TBC1D8: variants seen among roughly 807,000 people sequenced by gnomAD.
The protein encoded by TBC1D8 is BUB2-like protein 1.
In TBC1D8, 65 loss-of-function variants were observed where a neutral mutation model predicts 118.8. That is an observed-to-expected ratio of 0.55 (90% CI 0.45 to 0.67). The LOEUF (loss-of-function observed/expected upper bound fraction) is 0.67. Ranked by LOEUF, TBC1D8 falls within the 30% of genes least tolerant of loss-of-function variation. The pLI, the probability that TBC1D8 is intolerant of heterozygous loss-of-function variation, is 0.00. For synonymous variants in TBC1D8, 566 were observed against 595.8 expected (o/e 0.95, Z 0.73); for missense variants, 1,376 against 1,471.2 (o/e 0.94, Z 1.06).
chr2:101,058,989 A>T (rs1682600441), intron 3 of TBC1D8, among the ~76,000 whole-genome samples: 1 of 151,508 alleles, frequency 6.6e-6, no homozygotes, highest in Non-Finnish European at 1.5e-5. Flanking sequence ...CACTGCAAGC[A>T]CCACCTCCCG....
At chr2:101,138,071 G>A (rs1210255300) in intron 1 of TBC1D8, among the ~76,000 whole-genome samples, 1 of 152,176 alleles carries the variant, frequency 6.6e-6, no homozygotes, top group African/African-American at 2.4e-5. Context: ...GACCGGAGCA[G>A]GAGGAAGAGG....
chr2:101,075,036 C>A (rs1674717713), intron 2 of TBC1D8, among the ~76,000 whole-genome samples: 1 of 152,140 alleles, frequency 6.6e-6, no homozygotes, highest in South Asian at 2.1e-4. Context: ...AGGAAAGGTA[C>A]AAGATGAGCA....
intron 5 of TBC1D8, among the ~76,000 whole-genome samples, chr2:101,047,100 C>G (rs1454568703): frequency 2.0e-5 from 3 of 152,212 alleles, no homozygotes; most frequent in Admixed American, 6.5e-5. Flanking sequence ...CTGTGGGCAG[C>G]TCCTCAGTCA....
At position 101,118,561 on chromosome 2, in the gene TBC1D8, G is replaced by C. The variant is rs531386797; in HGVS notation, c.128-28197C>G. On this transcript the variant is annotated intron_variant, in intron 1 of 19. Coordinates refer to ENST00000409318, the MANE Select transcript of TBC1D8 (RefSeq NM_001330348.2). ...AATACAAAAAAATTAGCCAGGCTTG[G>C]TGGCAGGCACCTGTAGTCCCAACTA... Among the ~76,000 whole-genome samples, 3 of 151,882 alleles carry C rather than the reference G, an allele frequency of 2.0e-5. No individual in the cohort carries two copies. The East Asian group carries it at 5.8e-4, about 29-fold the overall frequency.
At chr2:101,114,685 GTTTCTT>G (rs1677742844) in intron 1 of TBC1D8, among the ~76,000 whole-genome samples, 1 of 152,218 alleles carries the variant, frequency 6.6e-6, no homozygotes, top group Non-Finnish European at 1.5e-5. Context: ...ACTAAACAGA[GTTTCTT>G]TTTGTTTTTA....
chr2:101,025,261 T>G (rs1680273211), intron 15 of TBC1D8, among the ~76,000 whole-genome samples: 1 of 152,074 alleles, frequency 6.6e-6, no homozygotes. Context: ...AGTTTCACTG[T>G]GTTGCCAGGG....
chr2:101,096,599 A>T (rs1676462489), intron 1 of TBC1D8, among the ~76,000 whole-genome samples: 1 of 152,142 alleles, frequency 6.6e-6, no homozygotes, highest in Non-Finnish European at 1.5e-5. Flanking sequence ...GCAAGAACAG[A>T]TGGGTAAACA....
At chr2:101,073,290 TA>T (rs1246494509) in intron 2 of TBC1D8, among the ~76,000 whole-genome samples, 1 of 141,664 alleles carries the variant, frequency 7.1e-6, no homozygotes, top group Non-Finnish European at 1.5e-5. Context: ...TATTTTATTT[TA>T]TTTTATTTAT....
intron 1 of TBC1D8, among the ~76,000 whole-genome samples, chr2:101,124,554 C>G (rs1195649229): frequency 6.6e-6 from 1 of 152,132 alleles, no homozygotes. Flanking sequence ...GGAGATGTGG[C>G]AAGGAATCTA....
intron 1 of TBC1D8, among the ~76,000 whole-genome samples, chr2:101,137,289 T>C (rs1678897646): frequency 6.6e-6 from 1 of 151,930 alleles, no homozygotes; most frequent in Non-Finnish European, 1.5e-5. Context: ...CACCCCAGCC[T>C]CCCAAAGTGC....
chr2:101,139,398 C>A (rs1019181204), intron 1 of TBC1D8, among the ~76,000 whole-genome samples: 13 of 152,158 alleles, frequency 8.5e-5, no homozygotes, highest in Non-Finnish European at 1.8e-4. Flanking sequence ...TCCTCGCCAC[C>A]CTCCAGTCTC....
intron 5 of TBC1D8, among the ~76,000 whole-genome samples, chr2:101,040,909 G>C (rs1173160740): frequency 6.6e-6 from 1 of 152,278 alleles, no homozygotes; most frequent in African/African-American, 2.4e-5. Context: ...ACGCAGAGCA[G>C]ACGCGCTGTC....
At chr2:101,104,780 C>G (rs1396689064) in intron 1 of TBC1D8, among the ~76,000 whole-genome samples, 1 of 152,124 alleles carries the variant, frequency 6.6e-6, no homozygotes, top group East Asian at 1.9e-4. Context: ...CTTTGGAAGG[C>G]CAAGGCGGGC....
At chr2:101,125,786 G>A (rs1678323379) in intron 1 of TBC1D8, among the ~76,000 whole-genome samples, 1 of 152,174 alleles carries the variant, frequency 6.6e-6, no homozygotes. Context: ...TTTCCTTAAT[G>A]CCAGAGTGAG....
chr2:101,009,153 G>A (rs1678981925), intron 19 of TBC1D8, among the ~76,000 whole-genome samples: 1 of 152,180 alleles, frequency 6.6e-6, no homozygotes, highest in Admixed American at 6.5e-5. Flanking sequence ...CAGCACTTTG[G>A]GAGGCCAAGG....
At chr2:101,122,353 G>C (rs1678155100) in intron 1 of TBC1D8, among the ~76,000 whole-genome samples, 1 of 127,170 alleles carries the variant, frequency 7.9e-6, no homozygotes, top group Non-Finnish European at 1.6e-5. Flanking sequence ...TTACAGGCGT[G>C]AGCCACCGCG....
At chr2:101,029,406 A>AC (rs889015733) in intron 12 of TBC1D8, 85 bp downstream of exon 12, 5 of 1,466,984 alleles carry the variant, frequency 3.4e-6, no homozygotes, top group Non-Finnish European at 4.5e-6. Flanking sequence ...AAAAAAAAAA[A>AC]AAACTTCCCC....
intron 2 of TBC1D8, among the ~76,000 whole-genome samples, chr2:101,061,804 C>T (rs556790412): frequency 5.1e-4 from 78 of 152,338 alleles, no homozygotes; most frequent in African/African-American, 1.8e-3. Flanking sequence ...GGGAGGGCTC[C>T]TGCGGTGTCA....
chr2:101,121,726 C>T (rs565910312), intron 1 of TBC1D8, among the ~76,000 whole-genome samples: 6 of 152,330 alleles, frequency 3.9e-5, no homozygotes, highest in African/African-American at 1.4e-4. Context: ...TGCTATTATT[C>T]CAGTAAGTGA....
Sources: allele counts gnomAD v4.1 joint callset (sites outside exome capture counted in the v4.1 genomes callset), GRCh38; gene constraint gnomAD v4.1.1; transcripts MANE v1.5; gene names NCBI Gene and HGNC (gene_info 2026-07-23, HGNC 2026-07-21).